The following BRAF variants were observed in gnomAD, a reference collection of about 807,000 sequenced individuals.
BRAF encodes the protein B-Raf proto-oncogene, serine/threonine kinase, also known as serine/threonine-protein kinase B-raf.
BRAF carries 16 observed loss-of-function variants against 104.6 expected under a neutral mutation model. The observed-to-expected ratio is 0.15, with a 90% CI of 0.10 to 0.23. The LOEUF (loss-of-function observed/expected upper bound fraction) is 0.23, where lower values mean the gene tolerates loss of function less well. Ranked by LOEUF, BRAF falls within the 10% of genes least tolerant of loss-of-function variation. The pLI, the probability that BRAF is intolerant of heterozygous loss-of-function variation, is 1.00. For synonymous variants in BRAF, 310 were observed against 341.6 expected (o/e 0.91, Z 1.02); for missense variants, 541 against 937.3 (o/e 0.58, Z 5.52).
intron 2 of BRAF, among the ~76,000 whole-genome samples, chr7:140,836,568 T>C (rs966830456): frequency 1.3e-5 from 2 of 152,218 alleles, no homozygotes; most frequent in Non-Finnish European, 2.9e-5. Flanking sequence ...TACAGCCTGC[T>C]AGTTGCCCTA....
chr7:140,813,851 G>A (rs1204046667), intron 3 of BRAF, among the ~76,000 whole-genome samples: 2 of 151,666 alleles, frequency 1.3e-5, no homozygotes, highest in African/African-American at 4.9e-5. Flanking sequence ...ATCCATACAT[G>A]CGTGTACACA....
chr7:140,871,577 C>A (rs1811601480), intron 1 of BRAF, among the ~76,000 whole-genome samples: 1 of 151,976 alleles, frequency 6.6e-6, no homozygotes, highest in African/African-American at 2.4e-5. Context: ...TATTTTTAAC[C>A]TTTATTAACC....
At chr7:140,847,695 T>G (rs1290608555) in intron 2 of BRAF, among the ~76,000 whole-genome samples, 1 of 152,226 alleles carries the variant, frequency 6.6e-6, no homozygotes, top group Non-Finnish European at 1.5e-5. Context: ...TGTTATTTCA[T>G]AATTATAAAC....
intron 17 of BRAF, chr7:140,747,498 G>A: frequency 1.2e-6 from 1 of 846,892 alleles, no homozygotes; most frequent in Non-Finnish European, 1.7e-6. Flanking sequence ...GCTTTTATCT[G>A]TATTTTGGAG....
intron 14 of BRAF, among the ~76,000 whole-genome samples, chr7:140,773,729 T>C (rs1800062643): frequency 6.6e-6 from 1 of 152,174 alleles, no homozygotes; most frequent in South Asian, 2.1e-4. Flanking sequence ...CTGAGATAGC[T>C]GATATTGCCA....
intron 3 of BRAF, among the ~76,000 whole-genome samples, chr7:140,833,064 C>G (rs1301596664): frequency 6.6e-6 from 1 of 151,830 alleles, no homozygotes; most frequent in African/African-American, 2.4e-5. Flanking sequence ...TTAGTAGAGC[C>G]AAGGTTTCAC....
At chr7:140,910,758 G>A (rs1026324222) in intron 1 of BRAF, among the ~76,000 whole-genome samples, 3 of 152,036 alleles carry the variant, frequency 2.0e-5, no homozygotes, top group Admixed American at 6.6e-5. Flanking sequence ...CACTGCAGCC[G>A]TGAACTGGGT....
chr7:140,902,230 T>A (rs1270560227), intron 1 of BRAF, among the ~76,000 whole-genome samples: 3 of 152,244 alleles, frequency 2.0e-5, no homozygotes, highest in Admixed American at 2.0e-4. Context: ...TGCATTATTA[T>A]GCTGTCTATT....
intron 7 of BRAF, chr7:140,799,783 A>C: frequency 4.2e-6 from 1 of 237,522 alleles, no homozygotes; most frequent in Non-Finnish European, 8.3e-6. Context: ...ATTGTAGATT[A>C]TAATTATATA....
At chr7:140,791,877 T>C (rs1802004138) in intron 8 of BRAF, among the ~76,000 whole-genome samples, 1 of 152,222 alleles carries the variant, frequency 6.6e-6, no homozygotes, top group South Asian at 2.1e-4. Flanking sequence ...AGTGGTTAAG[T>C]GTAAGAGAGA....
Position 140,748,118 on chromosome 7 carries a change from T to C in BRAF, c.2112+1169A>G, listed in dbSNP as rs192559823. ...AAGGGGCATATGGTGATTCAGTAAG[T>C]ACACACACAAAGTACATGGTAACTT... is the stretch of plus-strand genomic sequence containing the variant. On this transcript the variant is annotated intron_variant, in intron 17 of 19. Transcript: ENST00000644969. 2.0e-5 allele frequency among the ~76,000 whole-genome samples: 3 copies of C among 152,306 alleles called. No homozygotes were observed. The East Asian group carries it at 5.8e-4, about 29-fold the overall frequency.
chr7:140,917,066 T>C (rs909726781), intron 1 of BRAF, among the ~76,000 whole-genome samples: 3 of 152,178 alleles, frequency 2.0e-5, no homozygotes, highest in African/African-American at 4.8e-5. Flanking sequence ...GACATCCATA[T>C]GTAAAATAAT....
intron 7 of BRAF, among the ~76,000 whole-genome samples, chr7:140,796,343 C>A (rs2129039789): frequency 1.4e-5 from 2 of 138,276 alleles, no homozygotes. Flanking sequence ...AGTGAGACTC[C>A]ATCTTAAAAA....
intron 1 of BRAF, among the ~76,000 whole-genome samples, chr7:140,885,849 T>C (rs1350303781): frequency 3.3e-5 from 5 of 152,220 alleles, no homozygotes; most frequent in African/African-American, 4.8e-5. Context: ...AGTAGGGTTT[T>C]GTTAAGTGTA....
chr7:140,846,687 T>A (rs953555214), intron 2 of BRAF, among the ~76,000 whole-genome samples: 1 of 151,992 alleles, frequency 6.6e-6, no homozygotes, highest in Non-Finnish European at 1.5e-5. Context: ...GTTAGGCATA[T>A]TTTACCCCAA....
intron 19 of BRAF, chr7:140,732,744 A>C (rs906021638): frequency 6.6e-6 from 1 of 152,214 alleles, no homozygotes; most frequent in African/African-American, 2.4e-5. Flanking sequence ...CAATGAAAGG[A>C]AGATAACTGT....
intron 2 of BRAF, among the ~76,000 whole-genome samples, chr7:140,845,818 C>T (rs955880870): frequency 6.6e-6 from 1 of 152,072 alleles, no homozygotes; most frequent in African/African-American, 2.4e-5. Context: ...GCTGGGATTA[C>T]AGGTGCGCAC....
At chr7:140,847,987 C>T (rs1228266868) in intron 2 of BRAF, among the ~76,000 whole-genome samples, 1 of 152,178 alleles carries the variant, frequency 6.6e-6, no homozygotes, top group East Asian at 1.9e-4. Context: ...TGTTTTACCA[C>T]AAGCTAATAA....
chr7:140,792,479 T>C (rs1232231913), intron 8 of BRAF, among the ~76,000 whole-genome samples: 2 of 152,188 alleles, frequency 1.3e-5, no homozygotes, highest in Non-Finnish European at 2.9e-5. Flanking sequence ...TATCAACTAT[T>C]AATTACATTC....
Sources: allele counts gnomAD v4.1 joint callset (sites outside exome capture counted in the v4.1 genomes callset), GRCh38; gene constraint gnomAD v4.1.1; transcripts MANE v1.5; gene names NCBI Gene and HGNC (gene_info 2026-07-23, HGNC 2026-07-21).